The following RIMBP2 variants were observed in gnomAD, a reference collection of about 807,000 sequenced individuals.
The protein encoded by RIMBP2 is RIMS binding protein 2, also known as RIMS-binding protein 2.
Under a neutral mutation model 118.6 loss-of-function variants are expected in RIMBP2, and 48 were observed. The ratio of observed to expected loss-of-function variants is 0.40; its 90% CI spans 0.32 to 0.51. The LOEUF is 0.51. Ranked by LOEUF, RIMBP2 falls within the 20% of genes least tolerant of loss-of-function variation. The pLI, the probability that RIMBP2 is intolerant of heterozygous loss-of-function variation, is 0.41. For missense variants in RIMBP2, 1,551 were observed against 1,768.3 expected, an observed-to-expected ratio of 0.88 and a Z score of 2.20; for synonymous variants, 762 against 742.9, an observed-to-expected ratio of 1.03 and a Z score of -0.42.
chr12:130,586,093 T>C (rs1266292493), intron 2 of RIMBP2, among the ~76,000 whole-genome samples: 4 of 152,232 alleles, frequency 2.6e-5, no homozygotes, highest in Non-Finnish European at 5.9e-5. Flanking sequence ...CCAGGAAATA[T>C]TCACTAATCT....
rs1200313985 is a variant in RIMBP2 at position 130,424,196 on chromosome 12, A to G, written c.3075T>C (p.Ser1025=). Residue 1025 remains serine, a synonymous_variant, in exon 16 of 23, where the codon AGT becomes AGC. Transcript: ENST00000690449. This position sits in a 1 kb window ranked among gnomAD's most constrained non-coding sequence, Gnocchi z 9.8. ...VWKKSITMPD[S]RAAAPHAKPP... The stretch of plus-strand genomic sequence containing the variant: ...GCTTTGCGTGGGGGGCAGCTGCCCT[A>G]CTGTCGGGCATGGTTATGCTTTTCT... 4.9e-6 allele frequency: 6 copies of G among 1,231,962 alleles called. No individual in the cohort carries two copies. Among genetic ancestry groups the G allele is most frequent in the Non-Finnish European group, 6.1e-6 (6 of 987,950 alleles). The allele number at this position is 1,231,962 out of a possible 1,614,324, so 76.3% of individuals were successfully genotyped here. A position where few individuals can be genotyped will look rare whatever the true frequency, so the allele number is the denominator to read the frequency against.
intron 1 of RIMBP2, among the ~76,000 whole-genome samples, chr12:130,682,080 G>T (rs1184384229): frequency 2.6e-5 from 4 of 152,204 alleles, no homozygotes; most frequent in African/African-American, 9.7e-5. Flanking sequence ...CCATAGTGTG[G>T]CATTGCTGCT....
chr12:130,488,433 G>A (rs901622170), intron 4 of RIMBP2, among the ~76,000 whole-genome samples: 8 of 151,984 alleles, frequency 5.3e-5, no homozygotes, highest in Non-Finnish European at 8.8e-5. Context: ...GGTGGTGGGG[G>A]CCGTAAGTTT....
rs149011374 is a variant in RIMBP2 at position 130,424,971 on chromosome 12, G to C, written c.2413-113C>G. On this transcript the variant is annotated intron_variant, in intron 15 of 22. Transcript: ENST00000690449. The surrounding 1 kb of genome is among the most constrained non-coding windows in gnomAD (Gnocchi z 9.8). ...CAGAATTAGTCCTGGAGGCACCGAGGGGGGGGAAGCATGCGTCTACTCAGG... is the reference window on the plus strand; with the variant it reads ...CAGAATTAGTCCTGGAGGCACCGAGCGGGGGGAAGCATGCGTCTACTCAGG... 2.8e-3 allele frequency: 1,555 copies of C among 556,754 alleles called. 3 individuals are homozygous for C. Among genetic ancestry groups the C allele is most frequent in the Non-Finnish European group, 3.7e-3 (1,366 of 372,056 alleles). The allele number at this position is 556,754 out of a possible 1,614,324, so 34.5% of individuals were successfully genotyped here. A position where few individuals can be genotyped will look rare whatever the true frequency, so the allele number is the denominator to read the frequency against.
intron 2 of RIMBP2, among the ~76,000 whole-genome samples, chr12:130,567,881 G>C (rs1353045662): frequency 6.6e-6 from 1 of 152,082 alleles, no homozygotes; most frequent in Non-Finnish European, 1.5e-5. Context: ...ATTAGCATGG[G>C]CTCTGTCTCC....
chr12:130,447,496 C>G lies in RIMBP2; in HGVS notation c.582-2227G>C, dbSNP rs1213049710. 6.6e-6 allele frequency among the ~76,000 whole-genome samples: 1 copy of G among 151,858 alleles called. No homozygotes were observed. Among genetic ancestry groups the G allele is most frequent in the East Asian group, 1.9e-4 (1 of 5,150 alleles). On this transcript the variant is annotated intron_variant, in intron 9 of 22. Coordinates refer to ENST00000690449, the MANE Select transcript of RIMBP2 (RefSeq NM_001393629.1). The surrounding 1 kb of genome is among the most constrained non-coding windows in gnomAD (Gnocchi z 4.4). ...AGCGCTGGAGGCGGGGGAGGAGGGA[C>G]AGGTGATCACTGATGGGAATGGGTT...
intron 7 of RIMBP2, among the ~76,000 whole-genome samples, chr12:130,452,161 G>A (rs1461912864): frequency 1.3e-5 from 2 of 152,196 alleles, no homozygotes; most frequent in East Asian, 1.9e-4. Flanking sequence ...CCGCTGCTGG[G>A]AATGATGACA....
At chr12:130,609,387 C>CAGCCTGAGACTGCAAGCTTGAGA (rs1389449634) in intron 2 of RIMBP2, among the ~76,000 whole-genome samples, 4 of 131,836 alleles carry the variant, frequency 3.0e-5, no homozygotes, top group African/African-American at 5.5e-5. Context: ...GAAATCCTGA[C>CAGCCTGAGACTGCAAGCTTGAGA]ACTGATGTTG....
At position 130,419,463 on chromosome 12, in the gene RIMBP2, C is replaced by G. The variant is rs542707123; in HGVS notation, c.3238+2990G>C. 2 of 152,368 alleles carry G rather than the reference C, an allele frequency of 1.3e-5. No individual in the cohort carries two copies. The highest frequency in any genetic ancestry group is 4.1e-4 in the South Asian group (2 of 4,826). 9.4% of individuals were successfully genotyped at this position (152,368 alleles called of 1,614,324 possible). On this transcript the variant is annotated intron_variant, in intron 17 of 22. Transcript: ENST00000690449. The surrounding 1 kb of genome is among the most constrained non-coding windows in gnomAD (Gnocchi z 4.3). The stretch of plus-strand genomic sequence containing the variant: ...CACTACCTGGCCCAGACCGACTGCC[C>G]TCACTGCTACTGTCCGTTGTAATTT...
At chr12:130,678,150 G>C (rs965671981) in intron 1 of RIMBP2, among the ~76,000 whole-genome samples, 3 of 152,160 alleles carry the variant, frequency 2.0e-5, no homozygotes, top group Admixed American at 1.3e-4. Flanking sequence ...TATGACCCTA[G>C]ACGACTCTTC....
At chr12:130,604,471 CCACT>C (rs140093680) in intron 2 of RIMBP2, among the ~76,000 whole-genome samples, 6,786 of 134,048 alleles carry the variant, frequency 0.051, 251 homozygotes, top group African/African-American at 0.1. Flanking sequence ...CATTCACTCT[CCACT>C]CACTCACTCA....
In RIMBP2 at chr12:130,623,636, A is replaced by G. The variant is rs762187680; in HGVS notation, c.-217+4686T>C. Among the ~76,000 whole-genome samples the G allele has an allele frequency of 1.3e-5, 2 of 152,138 alleles. No individual in the cohort carries two copies. Among genetic ancestry groups the G allele is most frequent in the Non-Finnish European group, 2.9e-5 (2 of 68,032 alleles). On this transcript the variant is annotated intron_variant, in intron 2 of 22. Transcript: ENST00000690449. This position sits in a 1 kb window ranked among gnomAD's most constrained non-coding sequence, Gnocchi z 4.1. ...CATAAGCTGCCTCCCATAACCTCTTAGCGCTCAACTCCATGCACACCAAGC... is the reference window on the plus strand; with the variant it reads ...CATAAGCTGCCTCCCATAACCTCTTGGCGCTCAACTCCATGCACACCAAGC...
In RIMBP2 at chr12:130,396,752, A is replaced by G. The variant is rs2074105307; in HGVS notation, c.*609T>C. 6.6e-6 allele frequency: 1 copy of G among 152,662 alleles called. No individual in the cohort carries two copies. The highest frequency in any genetic ancestry group is 6.5e-5 in the Admixed American group (1 of 15,282). 9.5% of individuals were successfully genotyped at this position (152,662 alleles called of 1,614,324 possible). A position where few individuals can be genotyped will look rare whatever the true frequency, so the allele number is the denominator to read the frequency against. On this transcript the variant is annotated 3_prime_UTR_variant, in exon 23 of 23. Coordinates refer to ENST00000690449, the MANE Select transcript of RIMBP2 (RefSeq NM_001393629.1). ...GATTGAGTAAACATTTTCTGTGTGT[A>G]GCCTGGCTGGCTTTGAAAGACTGAA...
At chr12:130,570,948 C>T (rs191456723) in intron 2 of RIMBP2, among the ~76,000 whole-genome samples, 48 of 152,274 alleles carry the variant, frequency 3.2e-4, no homozygotes, top group Admixed American at 2.6e-3. Context: ...TGGGGGATGT[C>T]GCTGGTGCCA....
intron 1 of RIMBP2, among the ~76,000 whole-genome samples, chr12:130,673,426 C>A (rs984819177): frequency 1.3e-5 from 2 of 152,234 alleles, no homozygotes; most frequent in Non-Finnish European, 2.9e-5. Context: ...GAGGCTGAGG[C>A]ACTGAAGAAC....
intron 2 of RIMBP2, among the ~76,000 whole-genome samples, chr12:130,575,958 A>G (rs1039253645): frequency 6.6e-6 from 1 of 152,180 alleles, no homozygotes; most frequent in Non-Finnish European, 1.5e-5. Flanking sequence ...ACACCCCCGG[A>G]TATTTGAATT....
intron 4 of RIMBP2, among the ~76,000 whole-genome samples, chr12:130,501,856 T>C (rs1026027452): frequency 1.3e-5 from 2 of 152,220 alleles, no homozygotes; most frequent in Admixed American, 6.5e-5. Context: ...AAGCCCTGAT[T>C]TGGGGGCTCC....
chr12:130,484,419 G>A (rs1038695765), intron 4 of RIMBP2, among the ~76,000 whole-genome samples: 5 of 152,216 alleles, frequency 3.3e-5, no homozygotes, highest in Non-Finnish European at 2.9e-5. Flanking sequence ...TCGCACTGAA[G>A]CCTGGTGGCC....
At chr12:130,685,615 G>A (rs1335721597) in intron 1 of RIMBP2, among the ~76,000 whole-genome samples, 1 of 152,112 alleles carries the variant, frequency 6.6e-6, no homozygotes, top group African/African-American at 2.4e-5. Context: ...CCGTGTGGCC[G>A]CCGTGGCTCA....
Sources: allele counts gnomAD v4.1 joint callset (sites outside exome capture counted in the v4.1 genomes callset), GRCh38; gene constraint gnomAD v4.1.1; non-coding constraint Gnocchi (gnomAD v3.1); transcripts MANE v1.5; gene names NCBI Gene and HGNC (gene_info 2026-07-23, HGNC 2026-07-21).